The following MRPL30 variants were observed in gnomAD, a reference collection of about 807,000 sequenced individuals.
MRPL30 encodes mitochondrial ribosomal protein L30.
Under a neutral mutation model 17.2 loss-of-function variants are expected in MRPL30, and 10 were observed. The ratio of observed to expected loss-of-function variants is 0.58; its 90% CI spans 0.36 to 0.99. MRPL30 has a LOEUF of 0.99. MRPL30 is among the 50% of genes least tolerant of loss of function. The pLI is 0.01. For synonymous variants in MRPL30, 61 were observed against 62.1 expected (o/e 0.98, Z 0.08); for missense variants, 170 against 189.8 (o/e 0.90, Z 0.61).
At position 99,186,207 on chromosome 2, in the gene MRPL30, G is replaced by T; in HGVS notation, c.4G>T (p.Ala2Ser). 4 of 1,613,988 alleles carry T rather than the reference G, an allele frequency of 2.5e-6. No individual in the cohort carries two copies. Among genetic ancestry groups the T allele is most frequent in the Non-Finnish European group, 3.4e-6 (4 of 1,179,928 alleles). ...AAAGAGAGCAATCACTACACTTATG[G>T]CTGGGATTTTGCGCTTAGTAGTTCA... M[A>S]GILRLVVQWP... Residue 2 changes from alanine to serine, a missense_variant, in exon 2 of 6, where the codon GCT becomes TCT. Coordinates refer to ENST00000338148, the MANE Select transcript of MRPL30 (RefSeq NM_145212.4).
rs1299593852 is a variant in MRPL30 at position 99,194,661 on chromosome 2, G to A, written c.133-90G>A. 6 of 1,116,188 alleles carry A rather than the reference G, an allele frequency of 5.4e-6. No individual in the cohort carries two copies. The East Asian group carries it at 1.0e-4, about 19-fold the overall frequency. The allele number at this position is 1,116,188 out of a possible 1,614,324, so 69.1% of individuals were successfully genotyped here. ...AAGGATGAGGTAATTATGTAGTTGT[G>A]TATGTGTGTGTGTCTTTTAAGAAAA... On this transcript the variant is annotated intron_variant, in intron 3 of 5. Transcript: ENST00000338148.
intron 3 of MRPL30, among the ~76,000 whole-genome samples, chr2:99,191,093 A>G (rs1574845909): frequency 6.8e-6 from 1 of 147,196 alleles, no homozygotes; most frequent in East Asian, 2.0e-4. Context: ...TGCAACCTCC[A>G]TCTCCCGGGT....
At chr2:99,187,274 G>T (rs2093935565) in intron 2 of MRPL30, among the ~76,000 whole-genome samples, 1 of 152,184 alleles carries the variant, frequency 6.6e-6, no homozygotes, top group Admixed American at 6.5e-5. Context: ...ATGAAAGGTT[G>T]GCAGTGAATC....
chr2:99,185,840 C>T (rs2093933027), intron 1 of MRPL30: 3 of 417,572 alleles, frequency 7.2e-6, no homozygotes, highest in African/African-American at 2.1e-5. Context: ...TCTTCAGTCC[C>T]TTCTAGCTCT....
rs141141547 is a variant in MRPL30, at chr2:99,195,731, A to G, written c.*26A>G. On this transcript the variant is annotated 3_prime_UTR_variant, in exon 6 of 6. Coordinates refer to ENST00000338148, the MANE Select transcript of MRPL30 (RefSeq NM_145212.4). ...TGCCCCAGCAGCTTCCGATTGGAAA[A>G]TGCAAATTGTTTTTATTTAAAGATG... 3.3e-4 allele frequency: 528 copies of G among 1,605,422 alleles called. 8 individuals carry two copies. In the East Asian group the frequency reaches 0.012, roughly 36 times the overall value.
intron 2 of MRPL30, among the ~76,000 whole-genome samples, chr2:99,187,347 G>A (rs1381163786): frequency 6.6e-6 from 1 of 152,214 alleles, no homozygotes; most frequent in Admixed American, 6.5e-5. Flanking sequence ...ACAAGAGGTA[G>A]GAACTAGGAG....
rs1053622501 is a variant in MRPL30 at position 99,198,901 on chromosome 2, A to G, written c.*3196A>G. 5.9e-5 allele frequency among the ~76,000 whole-genome samples: 9 copies of G among 152,120 alleles called. No individual in the cohort carries two copies. The highest frequency in any genetic ancestry group is 2.1e-4 in the South Asian group (1 of 4,826). The stretch of plus-strand genomic sequence containing the variant: ...CTGCAGTTCTCTTAGGGTCTCCTCA[A>G]TCTAAAATTGTACCTCTTTCAGGCC... On this transcript the variant is annotated 3_prime_UTR_variant, in exon 6 of 6. Transcript: ENST00000338148.
intron 1 of MRPL30, among the ~76,000 whole-genome samples, chr2:99,185,006 A>G (rs6753063): frequency 0.6 from 90,909 of 152,024 alleles, 27,968 homozygotes; most frequent in East Asian, 0.88. Flanking sequence ...TAGGAACCAG[A>G]TGGCACAGCA....
At chr2:99,186,854 CAGAA>C (rs1304311020) in intron 2 of MRPL30, 1 of 152,074 alleles carries the variant, frequency 6.6e-6, no homozygotes, top group Non-Finnish European at 1.5e-5. Context: ...TATAGAAAAT[CAGAA>C]GGAAGAGAAA....
Position 99,192,768 on chromosome 2 carries a change from G to T in MRPL30, c.133-1983G>T, listed in dbSNP as rs530367011. ...ATATACCCAGTAATGGGATTGCTGA[G>T]TCCAATGGTATTTCTGGTTCTAGAT... On this transcript the variant is annotated intron_variant, in intron 3 of 5. Coordinates refer to ENST00000338148, the MANE Select transcript of MRPL30 (RefSeq NM_145212.4). Among the ~76,000 whole-genome samples, 167 of 152,268 alleles carry T rather than the reference G, an allele frequency of 1.1e-3. 1 individual carries two copies. Among genetic ancestry groups the T allele is most frequent in the Middle Eastern group, 0.01 (3 of 294 alleles).
intron 1 of MRPL30, among the ~76,000 whole-genome samples, chr2:99,185,037 T>C (rs565034403): frequency 6.6e-6 from 1 of 152,154 alleles, no homozygotes; most frequent in African/African-American, 2.4e-5. Flanking sequence ...TGTGGTTGAG[T>C]GAGCATTACC....
At chr2:99,189,892 A>G (rs1267664891) in intron 3 of MRPL30, among the ~76,000 whole-genome samples, 2 of 151,936 alleles carry the variant, frequency 1.3e-5, no homozygotes, top group Admixed American at 6.6e-5. Context: ...ATCTTGCAAA[A>G]CTGAAACTCT....
chr2:99,188,030 G>T, intron 2 of MRPL30, 147 bp from the exon 3 acceptor site: 1 of 568,688 alleles, frequency 1.8e-6, no homozygotes, highest in Non-Finnish European at 3.1e-6. Context: ...GCTTAGATGG[G>T]ATGCGTTCAC....
chr2:99,183,427 G>A (rs1248523727), intron 1 of MRPL30, among the ~76,000 whole-genome samples: 1 of 152,098 alleles, frequency 6.6e-6, no homozygotes, highest in Non-Finnish European at 1.5e-5. Context: ...AAATTAGCTG[G>A]ACGTGGTGGC....
Position 99,181,246 on chromosome 2 carries a change from G to A in MRPL30, c.-31G>A, listed in dbSNP as rs2093919659. ...ATTTCAGGCTGAAGGTTTAGCGGGT[G>A]CCGGTGAGTGGGGAATGAGTGGCGG... On this transcript the variant is annotated 5_prime_UTR_variant, in exon 1 of 6. Transcript: ENST00000338148. The A allele has an allele frequency of 2.3e-6, 1 of 436,908 alleles. No homozygotes were observed. Among genetic ancestry groups the A allele is most frequent in the Non-Finnish European group, 4.1e-6 (1 of 242,892 alleles). 27.1% of individuals were successfully genotyped at this position (436,908 alleles called of 1,614,324 possible).
chr2:99,190,453 A>G (rs533438186), intron 3 of MRPL30, among the ~76,000 whole-genome samples: 12 of 152,190 alleles, frequency 7.9e-5, no homozygotes, highest in South Asian at 6.2e-4. Context: ...CCAACTGCTC[A>G]GGAGGCTGAG....
intron 3 of MRPL30, among the ~76,000 whole-genome samples, chr2:99,189,807 G>A (rs2093941328): frequency 6.6e-6 from 1 of 152,150 alleles, no homozygotes; most frequent in East Asian, 1.9e-4. Context: ...ACTTTTAAGT[G>A]TGCTATTCAA....
intron 3 of MRPL30, among the ~76,000 whole-genome samples, chr2:99,190,064 G>A (rs1458298967): frequency 2.6e-5 from 4 of 151,884 alleles, no homozygotes; most frequent in Non-Finnish European, 5.9e-5. Context: ...GGTTAAGGCT[G>A]CAGTGACCTA....
At chr2:99,182,068 A>G (rs2093924068) in intron 1 of MRPL30, among the ~76,000 whole-genome samples, 1 of 152,130 alleles carries the variant, frequency 6.6e-6, no homozygotes, top group South Asian at 2.1e-4. Flanking sequence ...CCCCAGGGGT[A>G]TGTTAACGTT....
Sources: gnomAD v4.1 joint callset for allele counts (sites outside exome capture counted in the v4.1 genomes callset) on GRCh38, gnomAD v4.1.1 for gene constraint, MANE v1.5 for transcripts, NCBI Gene and HGNC (gene_info 2026-07-23, HGNC 2026-07-21) for gene names.